Variants in ATP2B2 observed in about 807,000 individuals in gnomAD.
ATP2B2 encodes the protein ATPase plasma membrane Ca2+ transporting 2.
Under a neutral mutation model 120.0 loss-of-function variants are expected in ATP2B2, and 15 were observed. The ratio of observed to expected loss-of-function variants is 0.12; its 90% CI spans 0.08 to 0.19. The LOEUF (loss-of-function observed/expected upper bound fraction) is 0.19, where lower values mean the gene tolerates loss of function less well. Ranked by LOEUF, ATP2B2 falls within the 10% of genes least tolerant of loss-of-function variation. ATP2B2 has a pLI of 1.00. For synonymous variants in ATP2B2, 694 were observed against 700.3 expected (o/e 0.99, Z 0.14); for missense variants, 1,045 against 1,719.8 (o/e 0.61, Z 6.94).
chr3:10,663,784 C>G (rs2070851807), intron 1 of ATP2B2, among the ~76,000 whole-genome samples: 1 of 152,132 alleles, frequency 6.6e-6, no homozygotes, highest in Non-Finnish European at 1.5e-5. Context: ...GGACCACCTC[C>G]CAGACACCTT....
intron 2 of ATP2B2, among the ~76,000 whole-genome samples, chr3:10,605,262 C>T (rs1419528775): frequency 6.6e-6 from 1 of 152,214 alleles, no homozygotes; most frequent in African/African-American, 2.4e-5. Flanking sequence ...ATGTGCTGGG[C>T]TCCAGGCTAA....
intron 2 of ATP2B2, among the ~76,000 whole-genome samples, chr3:10,587,145 A>G: frequency 6.6e-6 from 1 of 152,092 alleles, no homozygotes; most frequent in East Asian, 1.9e-4. Context: ...AAACAAAAAC[A>G]AAACAAAAAA....
intron 1 of ATP2B2, among the ~76,000 whole-genome samples, chr3:10,652,876 G>T (rs567026487): frequency 6.6e-6 from 1 of 152,236 alleles, no homozygotes; most frequent in Non-Finnish European, 1.5e-5. Context: ...CCACTCATGA[G>T]GTATGTACAG....
chr3:10,530,076 C>T (rs1340459960), intron 3 of ATP2B2, among the ~76,000 whole-genome samples: 2 of 152,182 alleles, frequency 1.3e-5, no homozygotes, highest in East Asian at 1.9e-4. Flanking sequence ...TCATGTGTCA[C>T]GGCAGCCCTC....
At chr3:10,478,759 A>G (rs1014354466) in intron 1 of ATP2B2, among the ~76,000 whole-genome samples, 2 of 152,110 alleles carry the variant, frequency 1.3e-5, no homozygotes, top group African/African-American at 4.8e-5. Flanking sequence ...AGTTCTTCTC[A>G]TCTCTTGCCT....
At position 10,378,452 on chromosome 3, in the gene ATP2B2, T is replaced by A. The variant is rs111463188; in HGVS notation, c.1043-42A>T. 4.6e-4 allele frequency: 739 copies of A among 1,598,356 alleles called. No homozygotes were observed. The African/African-American group carries it at 8.9e-3, about 19-fold the overall frequency. On this transcript the variant is annotated intron_variant, in intron 9 of 22. Transcript: ENST00000360273. Reference sequence around the variant, plus strand: ...ACGCACGTGCATACACACAGACACATAGACACACATGCAGGTCAGCCCACA... The same window carrying A: ...ACGCACGTGCATACACACAGACACAAAGACACACATGCAGGTCAGCCCACA...
intron 5 of ATP2B2, among the ~76,000 whole-genome samples, chr3:10,388,932 T>C (rs1376241583): frequency 6.6e-6 from 1 of 152,134 alleles, no homozygotes; most frequent in Non-Finnish European, 1.5e-5. Flanking sequence ...ATACCACATA[T>C]TTTTTTTCTA....
intron 3 of ATP2B2, among the ~76,000 whole-genome samples, chr3:10,406,283 G>A (rs1012697559): frequency 1.3e-5 from 2 of 152,224 alleles, no homozygotes; most frequent in Admixed American, 6.5e-5. Context: ...GAAGTGTGGG[G>A]CAGAGCCCCA....
At chr3:10,479,508 T>C (rs1277785300) in intron 1 of ATP2B2, among the ~76,000 whole-genome samples, 3 of 152,100 alleles carry the variant, frequency 2.0e-5, no homozygotes, top group African/African-American at 4.8e-5. Context: ...ATTTTAAACA[T>C]GTTTGTGTGA....
intron 3 of ATP2B2, among the ~76,000 whole-genome samples, chr3:10,522,917 AG>A (rs2067013872): frequency 6.6e-6 from 1 of 152,338 alleles, no homozygotes; most frequent in South Asian, 2.1e-4. Context: ...GTCGGCACCC[AG>A]GGTTGCTCTG....
chr3:10,689,495 G>T lies in ATP2B2; in HGVS notation c.-460+18420C>A, dbSNP rs566453370. Among the ~76,000 whole-genome samples the T allele has an allele frequency of 3.9e-4, 59 of 152,034 alleles. 1 individual carries two copies. Among genetic ancestry groups the T allele is most frequent in the African/African-American group, 1.4e-3 (58 of 41,450 alleles). On this transcript the variant is annotated intron_variant, in intron 1 of 21. Transcript: ENST00000646379. ...AATTAACACAAAACAAAGAAAACATGAACTAAGTCAATCTAGCATTGCCAG... is the reference window on the plus strand; with the variant it reads ...AATTAACACAAAACAAAGAAAACATTAACTAAGTCAATCTAGCATTGCCAG...
chr3:10,359,297 A>T (rs886745343), intron 13 of ATP2B2, among the ~76,000 whole-genome samples: 1 of 152,198 alleles, frequency 6.6e-6, no homozygotes, highest in Non-Finnish European at 1.5e-5. Flanking sequence ...CAGAGGTTCC[A>T]GTTCAATTTG....
chr3:10,429,433 A>G (rs1277865594), intron 2 of ATP2B2, among the ~76,000 whole-genome samples: 1 of 152,170 alleles, frequency 6.6e-6, no homozygotes, highest in Non-Finnish European at 1.5e-5. Flanking sequence ...CAGTATTTCA[A>G]ACTTTTTCAT....
rs142975126 is a variant in ATP2B2, at chr3:10,705,907, T to C, written c.-460+2008A>G. The stretch of plus-strand genomic sequence containing the variant: ...CGTGCCCTCTCTCACTCTCAAGGTA[T>C]CTCAGTTTGGATGACAAACTATATA... On this transcript the variant is annotated intron_variant, in intron 1 of 21. Coordinates refer to the ATP2B2 transcript ENST00000646379. Among the ~76,000 whole-genome samples the C allele has an allele frequency of 4.7e-3, 714 of 152,320 alleles. 2 individuals are homozygous for C. The highest frequency in any genetic ancestry group is 7.2e-3 in the Non-Finnish European group (492 of 68,030).
At chr3:10,520,313 G>C (rs1406378952) in intron 3 of ATP2B2, among the ~76,000 whole-genome samples, 1 of 152,200 alleles carries the variant, frequency 6.6e-6, no homozygotes, top group African/African-American at 2.4e-5. Context: ...CAGCAGGGGA[G>C]GGGGGTGCCG....
chr3:10,449,373 G>A lies in ATP2B2; in HGVS notation c.171C>T (p.Cys57=). 1.2e-6 allele frequency: 2 copies of A among 1,614,248 alleles called. No homozygotes were observed. The highest frequency in any genetic ancestry group is 1.1e-5 in the South Asian group (1 of 91,086). Residue 57 remains cysteine (C), a synonymous_variant, in exon 2 of 23, where the codon TGC becomes TGT. Coordinates refer to ENST00000360273, the MANE Select transcript of ATP2B2 (RefSeq NM_001001331.4). ...KETYGDTEAI[C]RRLKTSPVEG... is the part of the protein sequence containing the mutation. ...CAACAGGTGAGGTTTTGAGGCGCCG[G>A]CAGATGGCTTCGGTGTCCCCATAAG...
At chr3:10,491,692 A>G (rs1277737952) in intron 1 of ATP2B2, among the ~76,000 whole-genome samples, 1 of 151,910 alleles carries the variant, frequency 6.6e-6, no homozygotes, top group Non-Finnish European at 1.5e-5. Context: ...GTGACAAAAT[A>G]AAGCTGTGGG....
chr3:10,611,284 T>C (rs1436594446), intron 2 of ATP2B2, among the ~76,000 whole-genome samples: 2 of 152,160 alleles, frequency 1.3e-5, no homozygotes, highest in African/African-American at 4.8e-5. Context: ...CTGACCCTGT[T>C]TAAAGACAAG....
At chr3:10,650,820 C>T (rs1486245826) in intron 1 of ATP2B2, among the ~76,000 whole-genome samples, 1 of 152,210 alleles carries the variant, frequency 6.6e-6, no homozygotes, top group Non-Finnish European at 1.5e-5. Flanking sequence ...CTGAAAGCAA[C>T]CAGGAGGGGA....
Sources: allele counts gnomAD v4.1 joint callset (sites outside exome capture counted in the v4.1 genomes callset), GRCh38; gene constraint gnomAD v4.1.1; transcripts MANE v1.5; gene names NCBI Gene and HGNC (gene_info 2026-07-23, HGNC 2026-07-21).